RPSA2: variants seen among roughly 807,000 people sequenced by gnomAD.
RPSA2 encodes the protein ribosomal protein SA 2.
the RPSA2 span, among the ~76,000 whole-genome samples, chr19:23,793,362 ATCTTTT>A: frequency 4.3e-5 from 1 of 23,392 alleles, no homozygotes; most frequent in East Asian, 1.6e-3. Flanking sequence ...TTGGGGTTAT[ATCTTTT>A]TTTTTTTTTG....
chr19:23,813,766 A>G, the RPSA2 span, among the ~76,000 whole-genome samples: 17 of 130,680 alleles, frequency 1.3e-4, no homozygotes, highest in African/African-American at 4.6e-4. Context: ...TCTGTTGCCC[A>G]GGCTGGAGTG....
chr19:23,794,457 T>C, the RPSA2 span, among the ~76,000 whole-genome samples: 1 of 152,236 alleles, frequency 6.6e-6, no homozygotes, highest in Admixed American at 6.5e-5. Context: ...ATGAGCATTT[T>C]ATTACATGCT....
the RPSA2 span, among the ~76,000 whole-genome samples, chr19:23,766,185 C>T: frequency 9.0e-6 from 1 of 111,386 alleles, no homozygotes; most frequent in African/African-American, 3.5e-5. Context: ...TGGAGTCTCA[C>T]TCTCTTTCCC....
chr19:23,851,480 C>G, the RPSA2 span, among the ~76,000 whole-genome samples: 1 of 152,166 alleles, frequency 6.6e-6, no homozygotes, highest in Non-Finnish European at 1.5e-5. Flanking sequence ...GAAAGGGTGT[C>G]TACATTGGTG....
chr19:23,767,197 C>T, the RPSA2 span, among the ~76,000 whole-genome samples: 1 of 152,144 alleles, frequency 6.6e-6, no homozygotes, highest in Admixed American at 6.5e-5. Context: ...CTGCCTCGCC[C>T]TCCCAAAGAT....
At chr19:23,825,200 G>T in the RPSA2 span, among the ~76,000 whole-genome samples, 2 of 152,054 alleles carry the variant, frequency 1.3e-5, no homozygotes, top group Admixed American at 1.3e-4. Flanking sequence ...GGATGGGCTT[G>T]ATCTCCTGAC....
At chr19:23,789,019 C>CTTTT in the RPSA2 span, among the ~76,000 whole-genome samples, 16,501 of 112,676 alleles carry the variant, frequency 0.15, 1,467 homozygotes, top group East Asian at 0.28. Context: ...TTTTTTCTTT[C>CTTTT]TTTCTTTTTT....
the RPSA2 span, among the ~76,000 whole-genome samples, chr19:23,849,690 AT>A: frequency 6.6e-6 from 1 of 152,172 alleles, no homozygotes; most frequent in Admixed American, 6.5e-5. Context: ...AAGAAATAAA[AT>A]AAGTAGCCTC....
the RPSA2 span, among the ~76,000 whole-genome samples, chr19:23,841,115 G>A: frequency 1.3e-5 from 2 of 152,120 alleles, no homozygotes; most frequent in East Asian, 1.9e-4. Flanking sequence ...CCTCCAATAT[G>A]TATCAGCACC....
the RPSA2 span, among the ~76,000 whole-genome samples, chr19:23,839,040 G>A: frequency 3.6e-4 from 54 of 151,936 alleles, no homozygotes; most frequent in African/African-American, 1.1e-3. Flanking sequence ...TTGTCTGTCT[G>A]TGCTCTTTCA....
At chr19:23,838,752 C>A in the RPSA2 span, among the ~76,000 whole-genome samples, 1 of 26,224 alleles carries the variant, frequency 3.8e-5, no homozygotes, top group African/African-American at 1.1e-4. Context: ...TTCTTAGGAG[C>A]CTTGAATGAT....
At chr19:23,781,713 G>C in the RPSA2 span, among the ~76,000 whole-genome samples, 2 of 152,194 alleles carry the variant, frequency 1.3e-5, no homozygotes, top group Admixed American at 1.3e-4. Context: ...TGTAACCCCT[G>C]TACTTAGACC....
the RPSA2 span, among the ~76,000 whole-genome samples, chr19:23,799,647 T>TA: frequency 0.96 from 45,665 of 47,690 alleles, 22,146 homozygotes; most frequent in Middle Eastern, 1. Context: ...GCCGGAGTAC[T>TA]GTAACCCCGT....
chr19:23,866,957 T>C, the RPSA2 span, among the ~76,000 whole-genome samples: 148,956 of 152,284 alleles, frequency 0.98, 72,944 homozygotes, highest in Middle Eastern at 1. Context: ...ATTCAAATAG[T>C]TTTAATGTCA....
the RPSA2 span, among the ~76,000 whole-genome samples, chr19:23,783,242 T>G: frequency 2.0e-5 from 3 of 151,944 alleles, no homozygotes. Flanking sequence ...ATTACAGGCA[T>G]GCACCACCAC....
At chr19:23,844,386 T>G in the RPSA2 span, among the ~76,000 whole-genome samples, 1 of 152,190 alleles carries the variant, frequency 6.6e-6, no homozygotes, top group Non-Finnish European at 1.5e-5. Flanking sequence ...ATAAACTATT[T>G]TTTTGGGTAG....
chr19:23,868,095 A>G, the RPSA2 span, among the ~76,000 whole-genome samples: 1 of 152,228 alleles, frequency 6.6e-6, no homozygotes, highest in Non-Finnish European at 1.5e-5. Context: ...CGACTGCTGC[A>G]TGACTTGAGA....
At chr19:23,842,982 T>A in the RPSA2 span, among the ~76,000 whole-genome samples, 2 of 152,150 alleles carry the variant, frequency 1.3e-5, no homozygotes, top group East Asian at 3.9e-4. Flanking sequence ...TTAAATTCAA[T>A]AGTATTGGAT....
At chr19:23,821,187 GT>G in the RPSA2 span, among the ~76,000 whole-genome samples, 1 of 152,228 alleles carries the variant, frequency 6.6e-6, no homozygotes, top group African/African-American at 2.4e-5. Context: ...CGATACTCAG[GT>G]GGTTAGTTGC....
Sources: gnomAD v4.1 joint callset for allele counts (sites outside exome capture counted in the v4.1 genomes callset) on GRCh38, gnomAD v4.1.1 for gene constraint, MANE v1.5 for transcripts, NCBI Gene and HGNC (gene_info 2026-07-23, HGNC 2026-07-21) for gene names.